Variants in NTN1 observed in about 807,000 individuals in gnomAD.
NTN1 encodes netrin 1, also known as netrin-1.
In NTN1, 11 loss-of-function variants were observed where a neutral mutation model predicts 54.2. That is an observed-to-expected ratio of 0.20 (90% CI 0.13 to 0.34). NTN1 has a LOEUF of 0.34. Ranked by LOEUF, NTN1 falls within the 10% of genes least tolerant of loss-of-function variation. The pLI, the probability that NTN1 is intolerant of heterozygous loss-of-function variation, is 1.00. For missense variants in NTN1, 740 were observed against 893.1 expected (o/e 0.83, Z 2.18); for synonymous variants, 371 against 382.0 (o/e 0.97, Z 0.33).
chr17:9,238,149 G>T (rs1026851356), intron 6 of NTN1, among the ~76,000 whole-genome samples: 1 of 152,160 alleles, frequency 6.6e-6, no homozygotes, highest in Admixed American at 6.5e-5. Flanking sequence ...GACGTTGACA[G>T]AAGCCAGCCA....
chr17:9,065,760 G>T (rs1053425673), intron 2 of NTN1, among the ~76,000 whole-genome samples: 13 of 152,196 alleles, frequency 8.5e-5, no homozygotes, highest in African/African-American at 3.1e-4. Context: ...TCAGATTGTG[G>T]ACTATGCTCA....
chr17:9,127,077 G>GA lies in NTN1; in HGVS notation c.1019-35736_1019-35735insA, dbSNP rs1555570082. Among the ~76,000 whole-genome samples, 3 of 145,776 alleles carry GA rather than the reference G, an allele frequency of 2.1e-5. 1 individual carries two copies. Among genetic ancestry groups the GA allele is most frequent in the African/African-American group, 5.0e-5 (2 of 39,788 alleles). On this transcript the variant is annotated intron_variant, in intron 2 of 6. Coordinates refer to ENST00000173229, the MANE Select transcript of NTN1 (RefSeq NM_004822.3). ...AGTGAGATTGTGGTAGGGCCGGGGG[G>GA]GGGCAGGACAGGGAGTTAGGATTTT...
intron 2 of NTN1, among the ~76,000 whole-genome samples, chr17:9,105,878 A>G (rs2092164514): frequency 6.6e-6 from 1 of 152,016 alleles, no homozygotes; most frequent in South Asian, 2.1e-4. Context: ...GGAAGAGGAA[A>G]TGAATGGTGA....
chr17:9,047,137 G>A (rs1193376548), intron 2 of NTN1, among the ~76,000 whole-genome samples: 1 of 152,204 alleles, frequency 6.6e-6, no homozygotes, highest in Non-Finnish European at 1.5e-5. Flanking sequence ...TGTCACTGTT[G>A]GAGGGCTTTT....
intron 5 of NTN1, among the ~76,000 whole-genome samples, chr17:9,197,233 G>A (rs2142333371): frequency 6.6e-6 from 1 of 152,208 alleles, no homozygotes; most frequent in South Asian, 2.1e-4. Flanking sequence ...CTTAGGTCAT[G>A]CAGTGAGTCA....
intron 2 of NTN1, among the ~76,000 whole-genome samples, chr17:9,055,578 G>C (rs966774049): frequency 6.6e-6 from 1 of 152,210 alleles, no homozygotes; most frequent in Admixed American, 6.5e-5. Flanking sequence ...GTCAAGAGAA[G>C]ACGTGAGGAG....
chr17:9,081,395 A>C lies in NTN1; in HGVS notation c.1018+58004A>C, dbSNP rs576608622. Among the ~76,000 whole-genome samples, 147 of 152,178 alleles carry C rather than the reference A, an allele frequency of 9.7e-4. 1 individual carries two copies. The highest frequency in any genetic ancestry group is 3.1e-3 in the African/African-American group (127 of 41,510). On this transcript the variant is annotated intron_variant, in intron 2 of 6. Coordinates refer to ENST00000173229, the MANE Select transcript of NTN1 (RefSeq NM_004822.3). ...ACCCAGGAGCCCATCTTAATCTTTG[A>C]CGTCTCAACCAGTCACCTAATCTTG...
rs56255655 is a variant in NTN1 at position 9,163,147 on chromosome 17, GACACACACACACACACACAC to G, written c.1207+165_1207+184del. 79 of 524,656 alleles carry G rather than the reference GACACACACACACACACACAC, an allele frequency of 1.5e-4. No individual in the cohort carries two copies. The African/African-American group carries it at 1.5e-3, about 10-fold the overall frequency. The allele number at this position is 524,656 out of a possible 1,614,324, so 32.5% of individuals were successfully genotyped here. A position where few individuals can be genotyped will look rare whatever the true frequency, so the allele number is the denominator to read the frequency against. On this transcript the variant is annotated intron_variant, in intron 3 of 6. Transcript: ENST00000173229. ...CATCTCTCTCTCTTTCTCTCTCTGT[GACACACACACACACACACAC>G]ACACACACACACACACACGCCTCCC... is the stretch of plus-strand genomic sequence containing the variant.
intron 2 of NTN1, among the ~76,000 whole-genome samples, chr17:9,150,265 A>G (rs1264318831): frequency 6.6e-6 from 1 of 152,214 alleles, no homozygotes; most frequent in Non-Finnish European, 1.5e-5. Flanking sequence ...CTGGACCCCC[A>G]CTGTGAAACT....
At chr17:9,024,552 A>C (rs2151507308) in intron 2 of NTN1, among the ~76,000 whole-genome samples, 1 of 152,336 alleles carries the variant, frequency 6.6e-6, no homozygotes, top group South Asian at 2.1e-4. Context: ...CCCCACAAAC[A>C]CACGTTTTGA....
Position 9,232,749 on chromosome 17 carries a change from G to A in NTN1, c.1487-6891G>A, listed in dbSNP as rs111565623. 2.0e-3 allele frequency among the ~76,000 whole-genome samples: 300 copies of A among 152,250 alleles called. 9 individuals are homozygous for A. Among genetic ancestry groups the A allele is most frequent in the African/African-American group, 6.8e-3 (281 of 41,492 alleles). On this transcript the variant is annotated intron_variant, in intron 6 of 6. Coordinates refer to ENST00000173229, the MANE Select transcript of NTN1 (RefSeq NM_004822.3). The stretch of plus-strand genomic sequence containing the variant: ...AGGGGCCACGGTGACCCCCCGTCCC[G>A]GGTGTGGCGGCCCCCTCTCCCACAC...
chr17:9,035,136 C>T (rs374195636), intron 2 of NTN1, among the ~76,000 whole-genome samples: 8 of 152,052 alleles, frequency 5.3e-5, no homozygotes, highest in East Asian at 1.9e-4. Flanking sequence ...TTAGTAGAGA[C>T]GGGGTTTCAC....
Position 9,241,275 on chromosome 17 carries a change from C to T in NTN1, c.*1307C>T, listed in dbSNP as rs1906204308. 1 of 152,440 alleles carries T rather than the reference C, an allele frequency of 6.6e-6. No individual in the cohort carries two copies. Among genetic ancestry groups the T allele is most frequent in the Non-Finnish European group, 1.5e-5 (1 of 68,200 alleles). 9.4% of individuals were successfully genotyped at this position (152,440 alleles called of 1,614,324 possible). The stretch of plus-strand genomic sequence containing the variant: ...CCCCCTACAGCTGTCTTGGGTCTGG[C>T]CTGGGCCACACCTTGACCGTGCCTT... On this transcript the variant is annotated 3_prime_UTR_variant, in exon 7 of 7. Transcript: ENST00000173229.
intron 5 of NTN1, chr17:9,183,520 G>T: frequency 2.8e-6 from 1 of 359,412 alleles, no homozygotes; most frequent in South Asian, 2.2e-5. Context: ...ACTGGCGGAA[G>T]TCACAGCGGT....
chr17:9,148,495 G>A (rs1034694401), intron 2 of NTN1, among the ~76,000 whole-genome samples: 12 of 152,194 alleles, frequency 7.9e-5, no homozygotes, highest in Non-Finnish European at 1.6e-4. Flanking sequence ...AGCTGGGTAG[G>A]GATCTGGTGT....
chr17:9,068,773 G>T (rs1277010282), intron 2 of NTN1, among the ~76,000 whole-genome samples: 1 of 152,160 alleles, frequency 6.6e-6, no homozygotes, highest in African/African-American at 2.4e-5. Flanking sequence ...CTCCCAAAGT[G>T]CTGGGATTAC....
intron 2 of NTN1, among the ~76,000 whole-genome samples, chr17:9,140,201 C>T (rs988044293): frequency 8.5e-5 from 13 of 152,174 alleles, no homozygotes; most frequent in South Asian, 6.2e-4. Context: ...GAAAGACCGT[C>T]GGGTGGTGTG....
intron 5 of NTN1, among the ~76,000 whole-genome samples, chr17:9,215,288 C>CAT (rs1555577252): frequency 1.3e-4 from 19 of 150,640 alleles, no homozygotes; most frequent in Admixed American, 1.2e-3. Flanking sequence ...CACACACACA[C>CAT]ATACACACAT....
At chr17:9,217,331 G>A (rs1289360929) in intron 5 of NTN1, among the ~76,000 whole-genome samples, 1 of 152,184 alleles carries the variant, frequency 6.6e-6, no homozygotes, top group Non-Finnish European at 1.5e-5. Context: ...CCAGATCCCA[G>A]CGTTGGGTCA....
Sources: gnomAD v4.1 joint callset for allele counts (sites outside exome capture counted in the v4.1 genomes callset) on GRCh38, gnomAD v4.1.1 for gene constraint, MANE v1.5 for transcripts, NCBI Gene and HGNC (gene_info 2026-07-23, HGNC 2026-07-21) for gene names.